The following ABCA2 variants were observed in gnomAD, a reference collection of about 807,000 sequenced individuals.
ABCA2 encodes the protein ATP binding cassette subfamily A member 2.
In ABCA2, 84 loss-of-function variants were observed where a neutral mutation model predicts 262.8. That is an observed-to-expected ratio of 0.32 (90% CI 0.27 to 0.38). ABCA2 has a LOEUF of 0.38. Ranked by LOEUF, ABCA2 falls within the 10% of genes least tolerant of loss-of-function variation. ABCA2 has a pLI of 1.00. For missense variants in ABCA2, 2,662 were observed against 3,405.9 expected (o/e 0.78, Z 5.44); for synonymous variants, 1,696 against 1,502.9 (o/e 1.13, Z -2.97).
rs758719613 is a variant in ABCA2 at position 137,011,916 on chromosome 9, C to T, written c.5463G>A (p.Lys1821=). The change falls in exon 35 of 49, where the codon AAG becomes AAA. Residue 1821 remains lysine (K), a synonymous_variant. Transcript: ENST00000341511. The surrounding 1 kb of genome is among the most constrained non-coding windows in gnomAD (Gnocchi z 8.8). ...VVFLVAEKST[K]AKHLQFVSGC... ...CGCTGACAAACTGCAGGTGCTTGGC[C>T]TTGGTGGACTTCTCGGCCACGAGGA... 1.9e-6 allele frequency: 3 copies of T among 1,612,592 alleles called. No homozygotes were observed. The highest frequency in any genetic ancestry group is 1.1e-5 in the South Asian group (1 of 91,058).
In ABCA2 at chr9:137,007,620, G is replaced by A. The variant is rs1047135129; in HGVS notation, c.*309C>T. On this transcript the variant is annotated 3_prime_UTR_variant, in exon 49 of 49. Transcript: ENST00000341511. ...GCCAGCAGTGCCTGGTCCAGCCGGC[G>A]TCGCCTTGGGCGGTGAGCAGTGCCA... The A allele has an allele frequency of 2.3e-5, 11 of 488,656 alleles. No homozygotes were observed. The highest frequency in any genetic ancestry group is 3.3e-5 in the Non-Finnish European group (9 of 270,278). The allele number at this position is 488,656 out of a possible 1,614,324, so 30.3% of individuals were successfully genotyped here.
intron 1 of ABCA2, among the ~76,000 whole-genome samples, chr9:137,025,526 T>G (rs1244007444): frequency 1.3e-5 from 2 of 152,204 alleles, no homozygotes; most frequent in Non-Finnish European, 2.9e-5. Context: ...TTACTGTGCT[T>G]GGACAATAGG....
At position 137,022,737 on chromosome 9, in the gene ABCA2, G is replaced by A. The variant is rs201232193; in HGVS notation, c.404C>T (p.Pro135Leu). Reference protein sequence around the residue: ...RQHLEALSAGPGTSGSHLDRS... With the variant: ...RQHLEALSAGLGTSGSHLDRS... Reference sequence around the variant, plus strand: ...GTCCAGGTGGCTCCCCGAGGTGCCCGGGCCCGCACTGAGGGCCTCCAGATG... The same window carrying A: ...GTCCAGGTGGCTCCCCGAGGTGCCCAGGCCCGCACTGAGGGCCTCCAGATG... The change falls in exon 5 of 49, where the codon CCG becomes CTG. Residue 135 changes from proline to leucine, a missense_variant. Coordinates refer to ENST00000341511, the MANE Select transcript of ABCA2 (RefSeq NM_001606.5). 7.9e-4 allele frequency: 1,273 copies of A among 1,605,782 alleles called. No homozygotes were observed. Among genetic ancestry groups the A allele is most frequent in the Admixed American group, 1.8e-3 (106 of 59,594 alleles).
chr9:137,012,706 G>C lies in ABCA2; in HGVS notation c.5081+6C>G. 1 of 1,612,212 alleles carries C rather than the reference G, an allele frequency of 6.2e-7. No individual in the cohort carries two copies. ...CCCTCACCCACAGCCTCCCCACCCA[G>C]CTCACCGGTGCAGTCGGAAGCGGTC... is the stretch of plus-strand genomic sequence containing the variant. On this transcript the variant is annotated splice_donor_region_variant and intron_variant, in intron 31 of 48. Coordinates refer to ENST00000341511, the MANE Select transcript of ABCA2 (RefSeq NM_001606.5).
In ABCA2 at chr9:137,009,593, G is replaced by A. The variant is rs766480486; in HGVS notation, c.6682C>T (p.Leu2228Phe). 7 of 1,612,894 alleles carry A rather than the reference G, an allele frequency of 4.3e-6. No individual in the cohort carries two copies. The Admixed American group carries it at 1.2e-4, about 27-fold the overall frequency. The change falls in exon 44 of 49, where the codon CTC becomes TTC. Residue 2228 changes from leucine (L) to phenylalanine (F), a missense_variant. Transcript: ENST00000341511. Reference protein sequence around the residue: ...DPKARRFLWNLILDLIKTGRS... With the variant: ...DPKARRFLWNFILDLIKTGRS... ...CCTGTCTTGATGAGGTCAAGGATGA[G>A]GTTCCAGAGGAAGCGCCGGGCCTTG... is the stretch of plus-strand genomic sequence containing the variant.
rs1252342734 is a variant in ABCA2, at chr9:137,011,889, G to C, written c.5490C>G (p.Gly1830=). The change falls in exon 35 of 49, where the codon GGC becomes GGG. Residue 1830 remains glycine (G), a synonymous_variant. Coordinates refer to ENST00000341511, the MANE Select transcript of ABCA2 (RefSeq NM_001606.5). This position sits in a 1 kb window ranked among gnomAD's most constrained non-coding sequence, Gnocchi z 8.8. Reference sequence around the variant, plus strand: ...CCAGCCAGTAGATGATGGGGTTGCAGCCGCTGACAAACTGCAGGTGCTTGG... The same window carrying C: ...CCAGCCAGTAGATGATGGGGTTGCACCCGCTGACAAACTGCAGGTGCTTGG... ...TKAKHLQFVS[G]CNPIIYWLAN... 1 of 1,611,050 alleles carries C rather than the reference G, an allele frequency of 6.2e-7. No homozygotes were observed. The highest frequency in any genetic ancestry group is 1.3e-5 in the African/African-American group (1 of 74,888).
At chr9:137,026,374 A>G (rs1393511328) in intron 1 of ABCA2, among the ~76,000 whole-genome samples, 2 of 152,200 alleles carry the variant, frequency 1.3e-5, no homozygotes, top group African/African-American at 2.4e-5. Context: ...CTTGGCCCCA[A>G]GAGTCCAGCT....
At chr9:137,022,095 T>C (rs55661219) in intron 6 of ABCA2, 94 bp from the exon 7 acceptor site, 24,548 of 254,712 alleles carry the variant, frequency 0.096, 1,202 homozygotes, top group African/African-American at 0.18. Context: ...GGGCGTGGCT[T>C]AGATGGTGGG....
At chr9:137,026,711 C>G (rs1831664095) in intron 1 of ABCA2, among the ~76,000 whole-genome samples, 1 of 152,220 alleles carries the variant, frequency 6.6e-6, no homozygotes, top group Admixed American at 6.5e-5. Context: ...AGCATTGTCC[C>G]CACTGGAACA....
At chr9:137,023,659 C>T (rs973037381) in intron 3 of ABCA2, 179 bp downstream of exon 3, 35 of 683,694 alleles carry the variant, frequency 5.1e-5, no homozygotes, top group Non-Finnish European at 7.8e-5. Context: ...CCTTTCACTC[C>T]CTACCACCTC....
chr9:137,022,347 T>C lies in ABCA2; in HGVS notation c.567+4A>G, dbSNP rs758052557. 12 of 1,599,948 alleles carry C rather than the reference T, an allele frequency of 7.5e-6. No individual in the cohort carries two copies. Among genetic ancestry groups the C allele is most frequent in the African/African-American group, 6.7e-5 (5 of 74,564 alleles). Reference sequence around the variant, plus strand: ...GCCAGGGCTGGGAGCTGTCCCTGCCTTACCTCGGGCGGGTCCACACGGGCG... The same window carrying C: ...GCCAGGGCTGGGAGCTGTCCCTGCCCTACCTCGGGCGGGTCCACACGGGCG... On this transcript the variant is annotated splice_donor_region_variant and intron_variant, in intron 6 of 48. Transcript: ENST00000341511.
chr9:137,009,724 G>T, intron 43 of ABCA2, 45 bp downstream of exon 43: 22 of 1,609,386 alleles, frequency 1.4e-5, no homozygotes, highest in Non-Finnish European at 1.8e-5. Context: ...TGCTCACCAG[G>T]AAGTCAAAGG....
Position 137,013,322 on chromosome 9 carries a change from C to T in ABCA2, c.4551-4G>A, listed in dbSNP as rs578187657. The T allele has an allele frequency of 7.8e-5, 120 of 1,539,220 alleles. No homozygotes were observed. The East Asian group carries it at 1.7e-3, about 22-fold the overall frequency. ...GGCGTCGGGCGATAGCCGCAGCCTG[C>T]GGGCACCGACAGTGTGAGGTGGGGC... is the stretch of plus-strand genomic sequence containing the variant. On this transcript the variant is annotated splice_polypyrimidine_tract_variant and splice_region_variant and intron_variant, in intron 29 of 48. Coordinates refer to ENST00000341511, the MANE Select transcript of ABCA2 (RefSeq NM_001606.5).
rs773541051 is a variant in ABCA2 at position 137,008,877 on chromosome 9, G to C, written c.6931-9C>G. On this transcript the variant is annotated splice_polypyrimidine_tract_variant and intron_variant, in intron 46 of 48. Coordinates refer to ENST00000341511, the MANE Select transcript of ABCA2 (RefSeq NM_001606.5). Reference sequence around the variant, plus strand: ...TTTGTGTGGTGCCGCTCCTGCAGGGGGGGAGGTCAGAGGCCTGGCAGCGCC... The same window carrying C: ...TTTGTGTGGTGCCGCTCCTGCAGGGCGGGAGGTCAGAGGCCTGGCAGCGCC... The C allele has an allele frequency of 6.2e-7, 1 of 1,603,672 alleles. No individual in the cohort carries two copies. The highest frequency in any genetic ancestry group is 8.5e-7 in the Non-Finnish European group (1 of 1,179,434).
In ABCA2 at chr9:137,020,835, G is replaced by T. The variant is rs757772673; in HGVS notation, c.1124C>A (p.Ala375Glu). ...AGCGGTGGCGTTGGGGCCCATGACT[G>T]CCCCTGCCCCAGTGCCATTGGCCGC... ...GGAANGTGAG[A>E]VMGPNATAEE... Residue 375 changes from alanine to glutamate, a missense_variant, in exon 9 of 49, where the codon GCA becomes GAA. Coordinates refer to ENST00000341511, the MANE Select transcript of ABCA2 (RefSeq NM_001606.5). The T allele has an allele frequency of 5.8e-6, 9 of 1,550,846 alleles. No homozygotes were observed. In the African/African-American group the frequency reaches 1.2e-4, roughly 21 times the overall value.
In ABCA2 at chr9:137,012,157, T is replaced by C; in HGVS notation, c.5305A>G (p.Thr1769Ala). The C allele has an allele frequency of 6.2e-7, 1 of 1,612,132 alleles. No individual in the cohort carries two copies. Among genetic ancestry groups the C allele is most frequent in the Non-Finnish European group, 8.5e-7 (1 of 1,179,768 alleles). Residue 1769 changes from threonine (T) to alanine (A), a missense_variant, in exon 34 of 49, where the codon ACC (threonine) becomes GCC (alanine). By Grantham distance (58) the Thr-to-Ala change is moderately conservative. Coordinates refer to ENST00000341511, the MANE Select transcript of ABCA2 (RefSeq NM_001606.5). ...TTATTCATGGGGTGGTTGGTGACGG[T>C]GATGCCTGCACACGGCGGGGCGGGG... The part of the protein sequence containing the change: ...SKGNPAAYGI[T>A]VTNHPMNKTS...
rs775254549 is a variant in ABCA2 at position 137,016,135 on chromosome 9, G to A, written c.3144C>T (p.Ser1048=). ...GGATGTCGTGCCCGTAGATGGTGGC[G>A]GAACCCGACGTTGGAGGGAACAGGC... ...LTGLFPPTSG[S]ATIYGHDIRT... is the part of the protein sequence containing the mutation. Residue 1048 remains serine (S), a synonymous_variant, in exon 22 of 49, where the codon TCC becomes TCT. Coordinates refer to ENST00000341511, the MANE Select transcript of ABCA2 (RefSeq NM_001606.5). 33 of 1,612,716 alleles carry A rather than the reference G, an allele frequency of 2.0e-5. No individual in the cohort carries two copies. Among genetic ancestry groups the A allele is most frequent in the African/African-American group, 1.6e-4 (12 of 74,934 alleles).
Position 137,008,574 on chromosome 9 carries a change from C to T in ABCA2, c.7117G>A (p.Glu2373Lys), listed in dbSNP as rs1477124853. The change falls in exon 48 of 49, where the codon GAG becomes AAG. Residue 2373 changes from glutamate (E) to lysine (K), a missense_variant. Coordinates refer to ENST00000341511, the MANE Select transcript of ABCA2 (RefSeq NM_001606.5). ...KKQSDNLEQQ[E>K]TEPPSALQSP... ...TGCAGTGCGGATGGCGGCTCCGTCT[C>T]CTGCTGCTCCAGGTTGTCACTCTGC... The T allele has an allele frequency of 3.1e-6, 5 of 1,609,450 alleles. No homozygotes were observed. In the Admixed American group the frequency reaches 5.0e-5, roughly 16 times the overall value.
intron 21 of ABCA2, 50 bp from the exon 22 acceptor site, chr9:137,016,224 C>T: frequency 6.2e-7 from 1 of 1,610,578 alleles, no homozygotes; most frequent in Non-Finnish European, 8.5e-7. Flanking sequence ...AGGGGCCCCA[C>T]CCTGCCCTGA....
Sources: gnomAD v4.1 joint callset for allele counts (sites outside exome capture counted in the v4.1 genomes callset) on GRCh38, gnomAD v4.1.1 for gene constraint, Gnocchi (gnomAD v3.1) non-coding constraint, MANE v1.5 for transcripts, NCBI Gene and HGNC (gene_info 2026-07-23, HGNC 2026-07-21) for gene names.